Variants in ABCG2 observed in about 807,000 individuals in gnomAD.
ABCG2 encodes the protein ATP binding cassette subfamily G member 2 (JR blood group).
In ABCG2, 80 loss-of-function variants were observed where a neutral mutation model predicts 73.5. That is an observed-to-expected ratio of 1.09 (90% CI 0.91 to 1.31). The LOEUF is 1.31. ABCG2 is among the 50% of genes most tolerant of loss of function. The pLI is 0.00. For missense variants in ABCG2, 796 were observed against 786.2 expected, an observed-to-expected ratio of 1.01 and a Z score of -0.15; for synonymous variants, 269 against 282.4, an observed-to-expected ratio of 0.95 and a Z score of 0.48.
chr4:88,196,754 G>T (rs1371169254), intron 1 of ABCG2, among the ~76,000 whole-genome samples: 1 of 147,014 alleles, frequency 6.8e-6, no homozygotes, highest in African/African-American at 2.5e-5. Context: ...TTACCTCCTG[G>T]AACTTTATGA....
chr4:88,107,948 C>A (rs1722869010), intron 9 of ABCG2, among the ~76,000 whole-genome samples: 2 of 152,188 alleles, frequency 1.3e-5, no homozygotes, highest in African/African-American at 4.8e-5. Flanking sequence ...CATGCTTCCA[C>A]TACCCATCTC....
intron 1 of ABCG2, among the ~76,000 whole-genome samples, chr4:88,194,964 G>A (rs1020524431): frequency 6.6e-6 from 1 of 152,202 alleles, no homozygotes; most frequent in East Asian, 1.9e-4. Flanking sequence ...ACTGGTCTAT[G>A]TTTTAAAGGA....
chr4:88,200,659 C>T (rs902006185), intron 1 of ABCG2, among the ~76,000 whole-genome samples: 1 of 151,974 alleles, frequency 6.6e-6, no homozygotes, highest in Non-Finnish European at 1.5e-5. Flanking sequence ...ACTACAGGTG[C>T]CTGTCACCAC....
Position 88,158,434 on chromosome 4 carries a change from G to T in ABCG2, c.-68C>A. On this transcript the variant is annotated 5_prime_UTR_variant, in exon 1 of 16. Coordinates refer to ENST00000237612, the MANE Select transcript of ABCG2 (RefSeq NM_004827.3). The stretch of plus-strand genomic sequence containing the variant: ...AACCAAAGGCTCAGGATCTCAGGAT[G>T]CGTGCGCTCGGAGGCAGCGCTTTAA... The T allele has an allele frequency of 2.2e-6, 1 of 447,654 alleles. No homozygotes were observed. Among genetic ancestry groups the T allele is most frequent in the Admixed American group, 2.4e-5 (1 of 42,144 alleles). 27.7% of individuals were successfully genotyped at this position (447,654 alleles called of 1,614,324 possible).
chr4:88,113,421 T>A lies in ABCG2; in HGVS notation c.1076A>T (p.Lys359Met). Reference protein sequence around the residue: ...LHQLSGGEKKKKITVFKEISY... With the variant: ...LHQLSGGEKKMKITVFKEISY... ...GATCTCCTTGAAGACTGTGATCTTC[T>A]TCTTCTTCTCACCCCCGGAAAGTTG... Residue 359 changes from lysine (K) to methionine (M), a missense_variant, in exon 9 of 16, where the codon AAG becomes ATG. Coordinates refer to ENST00000237612, the MANE Select transcript of ABCG2 (RefSeq NM_004827.3). 1 of 1,614,210 alleles carries A rather than the reference T, an allele frequency of 6.2e-7. No individual in the cohort carries two copies. Among genetic ancestry groups the A allele is most frequent in the South Asian group, 1.1e-5 (1 of 91,082 alleles).
At chr4:88,208,859 C>A (rs1185905248) in intron 1 of ABCG2, among the ~76,000 whole-genome samples, 1 of 152,118 alleles carries the variant, frequency 6.6e-6, no homozygotes, top group East Asian at 1.9e-4. Flanking sequence ...AAATCAAAAG[C>A]CTAAATTACT....
chr4:88,225,553 C>A (rs1730176982), intron 1 of ABCG2, among the ~76,000 whole-genome samples: 1 of 152,176 alleles, frequency 6.6e-6, no homozygotes, highest in Non-Finnish European at 1.5e-5. Flanking sequence ...TATCAAGGAC[C>A]TACTATGAGC....
upstream of ABCG2, among the ~76,000 whole-genome samples, chr4:88,160,162 A>C (rs1224131291): frequency 6.6e-6 from 1 of 151,968 alleles, no homozygotes; most frequent in Non-Finnish European, 1.5e-5. Context: ...AAGCGCTTGA[A>C]CACAGGAGGC....
At chr4:88,171,991 C>T (rs2110093624) in intron 1 of ABCG2, among the ~76,000 whole-genome samples, 1 of 151,892 alleles carries the variant, frequency 6.6e-6, no homozygotes, top group South Asian at 2.1e-4. Context: ...GGCAAGACCC[C>T]ATCTCTAAAA....
chr4:88,156,600 CTACAGAAGGGAAT>C (rs1015019999), intron 1 of ABCG2, among the ~76,000 whole-genome samples: 9 of 151,846 alleles, frequency 5.9e-5, no homozygotes, highest in African/African-American at 2.2e-4. Flanking sequence ...CAACTCTTCC[CTACAGAAGGGAAT>C]TTTAATTAAA....
At chr4:88,147,045 G>GAAAGAAAGAAAGAAAGAAAGAA (rs1553938164) in intron 1 of ABCG2, among the ~76,000 whole-genome samples, 6 of 133,100 alleles carry the variant, frequency 4.5e-5, no homozygotes, top group African/African-American at 1.7e-4. Context: ...AAGAAAGAAA[G>GAAAGAAAGAAAGAAAGAAAGAA]AAAAGAAAGG....
intron 1 of ABCG2, among the ~76,000 whole-genome samples, chr4:88,224,885 A>G (rs1011098314): frequency 3.3e-5 from 5 of 152,084 alleles, no homozygotes; most frequent in Admixed American, 6.6e-5. Context: ...TAAGGGTCCA[A>G]TGTTATTCTT....
At chr4:88,133,342 TA>T (rs1725030101) in intron 2 of ABCG2, among the ~76,000 whole-genome samples, 1 of 151,342 alleles carries the variant, frequency 6.6e-6, no homozygotes, top group Non-Finnish European at 1.5e-5. Flanking sequence ...CACTTCAGGA[TA>T]AAAAGAAAAC....
chr4:88,103,291 A>G (rs1722563108), intron 10 of ABCG2, among the ~76,000 whole-genome samples: 1 of 152,244 alleles, frequency 6.6e-6, no homozygotes, highest in South Asian at 2.1e-4. Context: ...GAAAAAGTAG[A>G]CAATGGAAAC....
intron 7 of ABCG2, among the ~76,000 whole-genome samples, chr4:88,115,703 C>T (rs1212177294): frequency 6.6e-6 from 1 of 151,866 alleles, no homozygotes; most frequent in Non-Finnish European, 1.5e-5. Flanking sequence ...AGTGCTTGGT[C>T]CTTACCTATC....
upstream of ABCG2, among the ~76,000 whole-genome samples, chr4:88,162,318 T>G (rs550982291): frequency 2.6e-5 from 4 of 152,212 alleles, no homozygotes; most frequent in South Asian, 4.1e-4. Flanking sequence ...ATTATAAATT[T>G]TATAATGAAA....
At chr4:88,119,204 G>A (rs1374235460) in intron 6 of ABCG2, among the ~76,000 whole-genome samples, 1 of 152,230 alleles carries the variant, frequency 6.6e-6, no homozygotes, top group East Asian at 1.9e-4. Context: ...TGTACAACAT[G>A]CCTTTTCTTC....
At chr4:88,094,880 T>C (rs1721881358) in intron 14 of ABCG2, among the ~76,000 whole-genome samples, 1 of 152,216 alleles carries the variant, frequency 6.6e-6, no homozygotes, top group Non-Finnish European at 1.5e-5. Context: ...GTAAAGTATT[T>C]TGCCAAAGCG....
chr4:88,175,576 C>T (rs1248008217), intron 1 of ABCG2, among the ~76,000 whole-genome samples: 1 of 152,092 alleles, frequency 6.6e-6, no homozygotes, highest in Non-Finnish European at 1.5e-5. Context: ...TATCACAATC[C>T]AAAGGTGACT....
Sources: allele counts gnomAD v4.1 joint callset (sites outside exome capture counted in the v4.1 genomes callset), GRCh38; gene constraint gnomAD v4.1.1; transcripts MANE v1.5; gene names NCBI Gene and HGNC (gene_info 2026-07-23, HGNC 2026-07-21).